The following OSBPL6 variants were observed in gnomAD, a reference collection of about 807,000 sequenced individuals.
OSBPL6 encodes the protein oxysterol-binding protein-related protein 6.
In OSBPL6, 49 loss-of-function variants were observed where a neutral mutation model predicts 125.8. That is an observed-to-expected ratio of 0.39 (90% CI 0.31 to 0.49). The LOEUF (loss-of-function observed/expected upper bound fraction) is 0.49. OSBPL6 is among the 20% of genes least tolerant of loss of function. OSBPL6 has a pLI of 0.88. For synonymous variants in OSBPL6, 394 were observed against 391.8 expected, an observed-to-expected ratio of 1.01 and a Z score of -0.07; for missense variants, 986 against 1,135.4, an observed-to-expected ratio of 0.87 and a Z score of 1.89.
chr2:178,332,498 C>T (rs1274881727), intron 6 of OSBPL6, 143 bp from the exon 7 acceptor site: 5 of 622,920 alleles, frequency 8.0e-6, no homozygotes, highest in Admixed American at 2.9e-5. Context: ...AGAACCTTAA[C>T]TATTTTCTGT....
intron 3 of OSBPL6, among the ~76,000 whole-genome samples, chr2:178,320,069 T>G (rs1036250371): frequency 6.6e-6 from 1 of 152,188 alleles, no homozygotes; most frequent in Non-Finnish European, 1.5e-5. Context: ...GAAATTTAAG[T>G]AAGTAAATGA....
At chr2:178,338,906 C>A in intron 9 of OSBPL6, 85 bp from the exon 10 acceptor site, 1 of 841,696 alleles carries the variant, frequency 1.2e-6, no homozygotes, top group Non-Finnish European at 1.9e-6. Flanking sequence ...CTTATATTTG[C>A]CATAATTTGC....
At chr2:178,389,426 C>T (rs565350745) in intron 21 of OSBPL6, among the ~76,000 whole-genome samples, 65 of 152,306 alleles carry the variant, frequency 4.3e-4, no homozygotes, top group Non-Finnish European at 9.3e-4. Flanking sequence ...GTCAGTTGTT[C>T]ACTAAGTAAA....
intron 8 of OSBPL6, 90 bp from the exon 9 acceptor site, chr2:178,336,211 T>A: frequency 6.8e-7 from 1 of 1,462,366 alleles, no homozygotes; most frequent in Non-Finnish European, 9.2e-7. Context: ...CTTCCTCTCT[T>A]TGTTAATACG....
At chr2:178,375,994 A>G (rs1267566343) in intron 15 of OSBPL6, among the ~76,000 whole-genome samples, 4 of 152,086 alleles carry the variant, frequency 2.6e-5, no homozygotes, top group East Asian at 3.9e-4. Context: ...GTGGTGGCAG[A>G]GAGCGGGATA....
At chr2:178,338,714 A>G (rs902409626) in intron 9 of OSBPL6, among the ~76,000 whole-genome samples, 6 of 152,208 alleles carry the variant, frequency 3.9e-5, no homozygotes, top group Admixed American at 1.3e-4. Flanking sequence ...GGCAAAAGCT[A>G]TCAGAGCAGA....
intron 1 of OSBPL6, among the ~76,000 whole-genome samples, chr2:178,279,100 G>T (rs79592965): frequency 0.12 from 17,671 of 152,188 alleles, 1,155 homozygotes; most frequent in Non-Finnish European, 0.15. Flanking sequence ...TCTTCTGGTT[G>T]TCTTTATTAT....
At chr2:178,252,088 T>C (rs924958043) in intron 1 of OSBPL6, among the ~76,000 whole-genome samples, 3 of 98,790 alleles carry the variant, frequency 3.0e-5, no homozygotes, top group African/African-American at 1.6e-4. Context: ...AGTTCTTGGG[T>C]TGGAAACCAC....
chr2:178,260,770 A>G (rs1415536594), intron 1 of OSBPL6, among the ~76,000 whole-genome samples: 1 of 152,202 alleles, frequency 6.6e-6, no homozygotes. Context: ...CTTTTCTGTC[A>G]TGCCAAAAAT....
At chr2:178,340,420 T>C (rs1275514720) in intron 11 of OSBPL6, among the ~76,000 whole-genome samples, 1 of 152,154 alleles carries the variant, frequency 6.6e-6, no homozygotes, top group Non-Finnish European at 1.5e-5. Context: ...ACTAAATTCT[T>C]AATAGCTTGT....
chr2:178,339,895 T>G, intron 11 of OSBPL6, 131 bp downstream of exon 11: 1 of 517,018 alleles, frequency 1.9e-6, no homozygotes. Flanking sequence ...TTCAAACTGT[T>G]ACATTATCTA....
At chr2:178,325,987 C>T (rs191090844) in intron 4 of OSBPL6, among the ~76,000 whole-genome samples, 1 of 152,266 alleles carries the variant, frequency 6.6e-6, no homozygotes, top group Non-Finnish European at 1.5e-5. Context: ...TGTCAGTAGA[C>T]ACCACATCTC....
chr2:178,277,917 G>C (rs577446820), intron 1 of OSBPL6, among the ~76,000 whole-genome samples: 1 of 152,016 alleles, frequency 6.6e-6, no homozygotes, highest in Non-Finnish European at 1.5e-5. Flanking sequence ...TCTGAACTTC[G>C]CTCCTGTTCT....
intron 1 of OSBPL6, among the ~76,000 whole-genome samples, chr2:178,274,664 G>A (rs1236996636): frequency 6.6e-6 from 1 of 152,130 alleles, no homozygotes; most frequent in African/African-American, 2.4e-5. Flanking sequence ...ATTTAATTAA[G>A]TAAACACAAT....
At chr2:178,269,434 A>G (rs1023895823) in intron 1 of OSBPL6, among the ~76,000 whole-genome samples, 1 of 152,258 alleles carries the variant, frequency 6.6e-6, no homozygotes, top group African/African-American at 2.4e-5. Context: ...TTGCTGGGTC[A>G]TAGAGTATTG....
intron 1 of OSBPL6, among the ~76,000 whole-genome samples, chr2:178,281,283 G>A (rs1484466854): frequency 1.3e-5 from 2 of 152,128 alleles, no homozygotes; most frequent in East Asian, 3.9e-4. Flanking sequence ...AAAGTGCTGG[G>A]ATTACAGGTG....
At chr2:178,244,612 A>G (rs2091424027) in intron 1 of OSBPL6, among the ~76,000 whole-genome samples, 1 of 152,232 alleles carries the variant, frequency 6.6e-6, no homozygotes, top group African/African-American at 2.4e-5. Flanking sequence ...AGCCTTCTCA[A>G]CTGGAAGGCA....
At chr2:178,202,389 G>C (rs1297397847) in intron 1 of OSBPL6, among the ~76,000 whole-genome samples, 1 of 152,116 alleles carries the variant, frequency 6.6e-6, no homozygotes, top group Non-Finnish European at 1.5e-5. Flanking sequence ...TATTTTCACT[G>C]GGCATAAAAT....
intron 1 of OSBPL6, among the ~76,000 whole-genome samples, chr2:178,203,285 C>G (rs72964067): frequency 2.6e-5 from 4 of 152,118 alleles, no homozygotes; most frequent in Non-Finnish European, 4.4e-5. Flanking sequence ...CTCAAGCTAT[C>G]CTTCCACCTC....
Sources: allele counts gnomAD v4.1 joint callset (sites outside exome capture counted in the v4.1 genomes callset), GRCh38; gene constraint gnomAD v4.1.1; transcripts MANE v1.5; gene names NCBI Gene and HGNC (gene_info 2026-07-23, HGNC 2026-07-21).